Variants in CHST8 observed in about 807,000 individuals in gnomAD.
CHST8 encodes the protein GALNAC-4-ST1.
In CHST8, 10 loss-of-function variants were observed where a neutral mutation model predicts 15.0. The observed-to-expected ratio is 0.67, with a 90% CI of 0.41 to 1.13. CHST8 has a LOEUF of 1.13. Ranked by LOEUF, CHST8 falls within the 50% of genes most tolerant of loss-of-function variation. The pLI, the probability that CHST8 is intolerant of heterozygous loss-of-function variation, is 0.00. For synonymous variants in CHST8, 259 were observed against 256.6 expected, an observed-to-expected ratio of 1.01 and a Z score of -0.09; for missense variants, 634 against 608.2, an observed-to-expected ratio of 1.04 and a Z score of -0.45.
chr19:33,644,270 C>G (rs1568312672), intron 1 of CHST8, among the ~76,000 whole-genome samples: 1 of 152,130 alleles, frequency 6.6e-6, no homozygotes, highest in Non-Finnish European at 1.5e-5. Flanking sequence ...GTCTTCTGAG[C>G]TGATCCATGT....
At chr19:33,638,467 T>A (rs1972236019) in intron 1 of CHST8, among the ~76,000 whole-genome samples, 1 of 152,200 alleles carries the variant, frequency 6.6e-6, no homozygotes, top group South Asian at 2.1e-4. Context: ...ATTGCCAGTG[T>A]AGGACTTCAT....
intron 3 of CHST8, among the ~76,000 whole-genome samples, chr19:33,728,955 T>C (rs1599593811): frequency 2.0e-5 from 3 of 152,286 alleles, no homozygotes; most frequent in African/African-American, 7.2e-5. Flanking sequence ...GTGGACCACA[T>C]CTGAGTCCTG....
At chr19:33,626,060 C>T (rs755274207) in intron 1 of CHST8, among the ~76,000 whole-genome samples, 6 of 152,076 alleles carry the variant, frequency 3.9e-5, no homozygotes, top group Non-Finnish European at 4.4e-5. Flanking sequence ...CCAGAGGAAA[C>T]CCACGGACCC....
intron 3 of CHST8, among the ~76,000 whole-genome samples, chr19:33,697,922 C>T (rs1355155649): frequency 6.6e-6 from 1 of 152,188 alleles, no homozygotes; most frequent in Non-Finnish European, 1.5e-5. Flanking sequence ...GTAGAGGATC[C>T]AGCCTTGGCC....
At chr19:33,699,874 A>G (rs1008500068) in intron 3 of CHST8, among the ~76,000 whole-genome samples, 1 of 152,154 alleles carries the variant, frequency 6.6e-6, no homozygotes, top group Non-Finnish European at 1.5e-5. Flanking sequence ...CTCTGAGACA[A>G]ATGCCAGGAC....
chr19:33,716,806 AAAC>A (rs1455872831), intron 3 of CHST8, among the ~76,000 whole-genome samples: 2 of 152,188 alleles, frequency 1.3e-5, no homozygotes, highest in African/African-American at 4.8e-5. Context: ...TAAGTGGCTT[AAAC>A]AACAGAAATG....
intron 3 of CHST8, among the ~76,000 whole-genome samples, chr19:33,738,442 C>T (rs1974124346): frequency 6.6e-6 from 1 of 152,200 alleles, no homozygotes; most frequent in South Asian, 2.1e-4. Context: ...AGCACATTCC[C>T]ATATTACTTC....
intron 1 of CHST8, among the ~76,000 whole-genome samples, chr19:33,656,361 C>A (rs1972510350): frequency 1.3e-5 from 2 of 152,216 alleles, no homozygotes; most frequent in South Asian, 4.1e-4. Flanking sequence ...AAGAAGCATT[C>A]TGGTTTCAGA....
At chr19:33,719,277 G>C (rs541352220) in intron 3 of CHST8, among the ~76,000 whole-genome samples, 23 of 152,298 alleles carry the variant, frequency 1.5e-4, no homozygotes, top group Admixed American at 3.9e-4. Flanking sequence ...CCTGGGCGGG[G>C]AGGCAGGATC....
chr19:33,760,942 C>T (rs768091461), intron 3 of CHST8, among the ~76,000 whole-genome samples: 1 of 152,156 alleles, frequency 6.6e-6, no homozygotes, highest in Non-Finnish European at 1.5e-5. Context: ...GTCATCAGTA[C>T]CTAAGATGCT....
chr19:33,656,119 C>T (rs1222687146), intron 1 of CHST8, among the ~76,000 whole-genome samples: 1 of 152,046 alleles, frequency 6.6e-6, no homozygotes, highest in Non-Finnish European at 1.5e-5. Context: ...TTATTTCCTC[C>T]TTGATGCAAG....
chr19:33,683,056 CT>C (rs1239455019), intron 2 of CHST8, among the ~76,000 whole-genome samples: 1 of 152,132 alleles, frequency 6.6e-6, no homozygotes, highest in African/African-American at 2.4e-5. Context: ...GTCCTAGACT[CT>C]TTTAAACAGT....
At chr19:33,717,527 G>A (rs1228138692) in intron 3 of CHST8, among the ~76,000 whole-genome samples, 10 of 152,146 alleles carry the variant, frequency 6.6e-5, no homozygotes, top group Admixed American at 5.2e-4. Context: ...GTGTGGTGGG[G>A]TGTGGGGCTG....
rs573412042 is a variant in CHST8 at position 33,722,718 on chromosome 19, CGA to C, written c.130+33329_130+33330del. Among the ~76,000 whole-genome samples the C allele has an allele frequency of 4.7e-5, 7 of 150,420 alleles. No individual in the cohort carries two copies. The East Asian group carries it at 1.4e-3, about 29-fold the overall frequency. ...GGGGAGAAACAGCTGTTTCCCACCC[CGA>C]GCGTAACTCCCATCACGGGCCTTGG... is the stretch of plus-strand genomic sequence containing the variant. On this transcript the variant is annotated intron_variant, in intron 3 of 4. Transcript: ENST00000650847.
chr19:33,660,855 T>A (rs1383154389), intron 1 of CHST8, among the ~76,000 whole-genome samples: 2 of 152,234 alleles, frequency 1.3e-5, no homozygotes, highest in Non-Finnish European at 2.9e-5. Flanking sequence ...TACTGTTCAA[T>A]AAGATTGCTG....
intron 3 of CHST8, among the ~76,000 whole-genome samples, chr19:33,753,268 C>T (rs1974455661): frequency 6.6e-6 from 1 of 151,872 alleles, no homozygotes; most frequent in Non-Finnish European, 1.5e-5. Context: ...CCTCCAGCAC[C>T]CCTTTCCAGC....
At chr19:33,668,529 T>C (rs547980813) in intron 2 of CHST8, among the ~76,000 whole-genome samples, 1 of 152,184 alleles carries the variant, frequency 6.6e-6, no homozygotes, top group Admixed American at 6.5e-5. Flanking sequence ...GAAGTGGTCA[T>C]GAAGAGCAGC....
At chr19:33,765,513 T>TGTGTGTGTG (rs1974816215) in intron 3 of CHST8, among the ~76,000 whole-genome samples, 4 of 131,608 alleles carry the variant, frequency 3.0e-5, no homozygotes, top group Admixed American at 2.3e-4. Flanking sequence ...ATGCCAGTCT[T>TGTGTGTGTG]TGTGTGTGTG....
At chr19:33,760,374 G>C (rs1599634532) in intron 3 of CHST8, among the ~76,000 whole-genome samples, 1 of 130,774 alleles carries the variant, frequency 7.6e-6, no homozygotes, top group East Asian at 2.2e-4. Flanking sequence ...CTGGAGTGCA[G>C]TGGTGCAATC....
Sources: gnomAD v4.1 joint callset for allele counts (sites outside exome capture counted in the v4.1 genomes callset) on GRCh38, gnomAD v4.1.1 for gene constraint, MANE v1.5 for transcripts, NCBI Gene and HGNC (gene_info 2026-07-23, HGNC 2026-07-21) for gene names.